FGD6: variants seen among roughly 807,000 people sequenced by gnomAD.
FGD6 encodes the protein FYVE, RhoGEF and PH domain-containing protein 6.
In FGD6, 90 loss-of-function variants were observed where a neutral mutation model predicts 149.4. The ratio of observed to expected loss-of-function variants is 0.60; its 90% CI spans 0.51 to 0.72. The LOEUF (loss-of-function observed/expected upper bound fraction) is 0.72. FGD6 is among the 30% of genes least tolerant of loss of function. The probability of loss-of-function intolerance (pLI) is 0.00; values close to 1 mark genes in which losing one functional copy is unlikely to be tolerated. For synonymous variants in FGD6, 527 were observed against 584.0 expected (o/e 0.90, Z 1.41); for missense variants, 1,437 against 1,684.8 (o/e 0.85, Z 2.57).
At chr12:95,172,046 G>GGGGGT (rs562514503) in intron 3 of FGD6, among the ~76,000 whole-genome samples, 8,580 of 135,340 alleles carry the variant, frequency 0.063, 398 homozygotes, top group South Asian at 0.11. Flanking sequence ...GGGGGGGGGG[G>GGGGGT]TTGTTATCAA....
chr12:95,105,595 A>G (rs765140571), intron 13 of FGD6, among the ~76,000 whole-genome samples: 5 of 152,246 alleles, frequency 3.3e-5, no homozygotes, highest in African/African-American at 7.2e-5. Context: ...AGGAAAGACA[A>G]TAAGAATCAT....
chr12:95,186,225 C>T (rs1227994928), intron 2 of FGD6, among the ~76,000 whole-genome samples: 9 of 71,186 alleles, frequency 1.3e-4, no homozygotes, highest in South Asian at 4.8e-4. Context: ...TTATATTCTT[C>T]TTCTTTTTTT....
At chr12:95,119,682 G>A (rs758469596) in intron 8 of FGD6, among the ~76,000 whole-genome samples, 5 of 152,186 alleles carry the variant, frequency 3.3e-5, no homozygotes, top group Non-Finnish European at 5.9e-5. Flanking sequence ...TGTAATCTCA[G>A]AACTTTGGGA....
chr12:95,210,853 T>C lies in FGD6; in HGVS notation c.431A>G (p.Asn144Ser). Residue 144 changes from asparagine (N) to serine (S), a missense_variant, in exon 2 of 21, where the codon AAC becomes AGC. By Grantham distance (46) the Asn-to-Ser change is conservative (BLOSUM62 1). Coordinates refer to ENST00000343958, the MANE Select transcript of FGD6 (RefSeq NM_018351.4). ...AGTCAAAGTCTCATCAATTTTACTG[T>C]TTTCTAAATTTTCATTCATTTCCAG... ...EPLEMNENLENSKIDETLTIK... is the reference protein window; with the variant it reads ...EPLEMNENLESSKIDETLTIK... 1 of 1,610,298 alleles carries C rather than the reference T, an allele frequency of 6.2e-7. No homozygotes were observed. The highest frequency in any genetic ancestry group is 8.5e-7 in the Non-Finnish European group (1 of 1,179,192).
chr12:95,141,550 C>T lies in FGD6; in HGVS notation c.2686-11G>A, dbSNP rs1879846478. On this transcript the variant is annotated splice_polypyrimidine_tract_variant and intron_variant, in intron 5 of 20. Transcript: ENST00000343958. ...TGCATCCCGGAAATCCTATTACAGT[C>T]CAGAGCAGGAAAAACAATACACACA... 6.2e-7 allele frequency: 1 copy of T among 1,613,720 alleles called. No homozygotes were observed. Among genetic ancestry groups the T allele is most frequent in the Non-Finnish European group, 8.5e-7 (1 of 1,179,884 alleles).
intron 4 of FGD6, 40 bp downstream of exon 4, chr12:95,152,886 G>C (rs370670738): frequency 1.2e-6 from 2 of 1,613,332 alleles, no homozygotes; most frequent in Non-Finnish European, 1.7e-6. Flanking sequence ...TGTGCCAATG[G>C]GGGGAAAACA....
Position 95,211,210 on chromosome 12 carries a change from G to A in FGD6, c.74C>T (p.Pro25Leu). Reference sequence around the variant, plus strand: ...TTTAGGTGCAATAGGAGGTGGGGCTGGCTTATTATTTGCCACAACAAACTT... The same window carrying A: ...TTTAGGTGCAATAGGAGGTGGGGCTAGCTTATTATTTGCCACAACAAACTT... ...KPKFVVANNK[P>L]APPPIAPKPD... The change falls in exon 2 of 21, where the codon CCA becomes CTA. Residue 25 changes from proline to leucine, a missense_variant. By Grantham distance (98) the Pro-to-Leu change is moderately conservative. Around this residue, in one of 2 missense-constraint regions of FGD6, gnomAD observed 1,055 missense variants for 1,146.0 expected, o/e 0.92. Transcript: ENST00000343958. The A allele has an allele frequency of 6.2e-7, 1 of 1,610,484 alleles. No homozygotes were observed. Among genetic ancestry groups the A allele is most frequent in the Non-Finnish European group, 8.5e-7 (1 of 1,179,184 alleles).
intron 8 of FGD6, among the ~76,000 whole-genome samples, chr12:95,118,488 C>A (rs1441008928): frequency 6.6e-6 from 1 of 152,038 alleles, no homozygotes; most frequent in African/African-American, 2.4e-5. Context: ...CAATACATAA[C>A]CAACTTAGAG....
At chr12:95,125,096 C>T (rs1275627178) in intron 8 of FGD6, among the ~76,000 whole-genome samples, 1 of 151,818 alleles carries the variant, frequency 6.6e-6, no homozygotes. Context: ...GTAGTTTATT[C>T]AGCACTTAAA....
chr12:95,102,313 G>C (rs952051091), intron 14 of FGD6, among the ~76,000 whole-genome samples: 1 of 151,824 alleles, frequency 6.6e-6, no homozygotes, highest in African/African-American at 2.4e-5. Flanking sequence ...GCATGGTGGC[G>C]CATGCCTGTA....
chr12:95,192,476 A>C (rs993703581), intron 2 of FGD6, among the ~76,000 whole-genome samples: 2 of 152,226 alleles, frequency 1.3e-5, no homozygotes, highest in Non-Finnish European at 2.9e-5. Flanking sequence ...ATGTACAAAA[A>C]TTCACTTCCT....
At chr12:95,152,768 G>C (rs768390369) in intron 5 of FGD6, 43 bp downstream of exon 5, 26 of 1,578,026 alleles carry the variant, frequency 1.6e-5, no homozygotes, top group Non-Finnish European at 2.0e-5. Flanking sequence ...AAGTACAAAA[G>C]GGAATAGTCT....
intron 14 of FGD6, among the ~76,000 whole-genome samples, 190 bp from the exon 15 acceptor site, chr12:95,094,884 G>A (rs1020241160): frequency 2.0e-5 from 3 of 152,076 alleles, no homozygotes; most frequent in African/African-American, 7.2e-5. Flanking sequence ...AACCCGTGAT[G>A]GCATTTTAGC....
intron 15 of FGD6, 48 bp from the exon 16 acceptor site, chr12:95,092,893 CTT>C: frequency 6.4e-7 from 1 of 1,558,866 alleles, no homozygotes; most frequent in Non-Finnish European, 8.7e-7. Context: ...CACTGCCTGC[CTT>C]TTTATTCGGC....
intron 8 of FGD6, among the ~76,000 whole-genome samples, chr12:95,119,820 G>A (rs1879134377): frequency 6.6e-6 from 1 of 152,130 alleles, no homozygotes; most frequent in South Asian, 2.1e-4. Context: ...CTCGGGAGGT[G>A]GAGGCAGGAG....
chr12:95,136,327 C>T (rs1879665796), intron 7 of FGD6, among the ~76,000 whole-genome samples: 1 of 152,280 alleles, frequency 6.6e-6, no homozygotes, highest in Admixed American at 6.5e-5. Flanking sequence ...CACTGCACTC[C>T]AGCCTGGGCG....
chr12:95,132,613 G>A (rs1478392637), intron 8 of FGD6, among the ~76,000 whole-genome samples: 3 of 151,974 alleles, frequency 2.0e-5, no homozygotes, highest in Admixed American at 1.3e-4. Flanking sequence ...TTAGCTGGGC[G>A]TGGTGGCATA....
chr12:95,130,407 A>G (rs1004075344), intron 8 of FGD6, among the ~76,000 whole-genome samples: 3 of 152,232 alleles, frequency 2.0e-5, no homozygotes, highest in South Asian at 2.1e-4. Flanking sequence ...AAATGAATGA[A>G]GTACCACTCC....
chr12:95,173,185 G>T (rs1467708149), intron 2 of FGD6, among the ~76,000 whole-genome samples: 1 of 152,158 alleles, frequency 6.6e-6, no homozygotes, highest in Non-Finnish European at 1.5e-5. Context: ...GAGGACTCGG[G>T]GGTAATAATG....
Sources: gnomAD v4.1 joint callset for allele counts (sites outside exome capture counted in the v4.1 genomes callset) on GRCh38, gnomAD v4.1.1 for gene constraint, gnomAD v4.1.1 regional missense constraint, MANE v1.5 for transcripts, NCBI Gene and HGNC (gene_info 2026-07-23, HGNC 2026-07-21) for gene names.